Variants in DCAF11 observed in about 807,000 individuals in gnomAD.
DCAF11 encodes the protein DDB1 and CUL4 associated factor 11.
A neutral mutation model predicts 76.1 loss-of-function variants in DCAF11; 44 were observed. That is an observed-to-expected ratio of 0.58 (90% CI 0.45 to 0.74). The LOEUF (loss-of-function observed/expected upper bound fraction) is 0.74, where lower values mean the gene tolerates loss of function less well. Ranked by LOEUF, DCAF11 falls within the 30% of genes least tolerant of loss-of-function variation. The pLI is 0.00. For missense variants in DCAF11, 604 were observed against 709.4 expected (o/e 0.85, Z 1.69); for synonymous variants, 258 against 255.0 (o/e 1.01, Z -0.11).
In DCAF11 at chr14:24,115,021, G is replaced by T. The variant is rs958091828; in HGVS notation, c.-486G>T. Reference sequence around the variant, plus strand: ...GGCGTACACACCCCCGGCGCACCACGTGGGCGTGAGGCGAGGAAGGAGGGG... The same window carrying T: ...GGCGTACACACCCCCGGCGCACCACTTGGGCGTGAGGCGAGGAAGGAGGGG... On this transcript the variant is annotated 5_prime_UTR_variant, in exon 1 of 15. Transcript: ENST00000446197. 9.1e-6 allele frequency: 9 copies of T among 986,000 alleles called. No individual in the cohort carries two copies. Among genetic ancestry groups the T allele is most frequent in the Non-Finnish European group, 1.1e-5 (9 of 829,960 alleles). The allele number at this position is 986,000 out of a possible 1,614,324, so 61.1% of individuals were successfully genotyped here. A position where few individuals can be genotyped will look rare whatever the true frequency, so the allele number is the denominator to read the frequency against.
At chr14:24,116,840 C>G in intron 2 of DCAF11, 77 bp from the exon 3 acceptor site, 1 of 1,600,180 alleles carries the variant, frequency 6.2e-7, no homozygotes, top group African/African-American at 1.3e-5. Context: ...GGTCTAAGAG[C>G]TAGATAGCCA....
Position 24,123,506 on chromosome 14 carries a change from C to A in DCAF11, c.*197C>A. On this transcript the variant is annotated 3_prime_UTR_variant, in exon 15 of 15. Coordinates refer to ENST00000446197, the MANE Select transcript of DCAF11 (RefSeq NM_025230.5). ...AGTGGTCTCCTTACGTGCTCACACC[C>A]AGTCAGCTTGGGTCCCTATCTCTGG... 1.3e-6 allele frequency: 1 copy of A among 795,992 alleles called. No homozygotes were observed. The highest frequency in any genetic ancestry group is 1.7e-6 in the Non-Finnish European group (1 of 571,844). The allele number at this position is 795,992 out of a possible 1,614,324, so 49.3% of individuals were successfully genotyped here.
intron 12 of DCAF11, 77 bp downstream of exon 12, chr14:24,121,068 T>G: frequency 1.3e-6 from 2 of 1,561,044 alleles, no homozygotes; most frequent in Non-Finnish European, 1.7e-6. Flanking sequence ...CAGCCCTCTT[T>G]GCCAGGCATT....
chr14:24,118,880 T>G, intron 8 of DCAF11, 76 bp downstream of exon 8: 2 of 1,525,228 alleles, frequency 1.3e-6, no homozygotes, highest in Non-Finnish European at 1.8e-6. Context: ...CCTCTTGAGT[T>G]GGAAGTTCTG....
At chr14:24,118,585 T>C in intron 7 of DCAF11, 51 bp downstream of exon 7, 1 of 1,605,488 alleles carries the variant, frequency 6.2e-7, no homozygotes, top group East Asian at 2.2e-5. Flanking sequence ...ACCTGAGGTT[T>C]CCATGTGCCT....
In DCAF11 at chr14:24,118,428, C is replaced by G. The variant is rs745615600; in HGVS notation, c.618C>G (p.Phe206Leu). The G allele has an allele frequency of 1.1e-5, 18 of 1,614,114 alleles. No individual in the cohort carries two copies. The Admixed American group carries it at 2.5e-4, about 22-fold the overall frequency. ...TCTATGACTGCCGATATGGCCGTTT[C>G]CGTAAATTCAAGAGCATCAAGGCCC... ...IRLYDCRYGR[F>L]RKFKSIKARD... The change falls in exon 7 of 15, where the codon TTC becomes TTG. Residue 206 changes from phenylalanine (F) to leucine (L), a missense_variant. Transcript: ENST00000446197.
Position 24,118,069 on chromosome 14 carries a change from A to G in DCAF11, c.491A>G (p.Asp164Gly), listed in dbSNP as rs1175479309. ...TCCTTCCCTAGCTTCTTGCCCAATG[A>G]TCTGGGCTTCACTGATAGCTACTCT... is the stretch of plus-strand genomic sequence containing the variant. ...SRVISHFLPN[D>G]LGFTDSYSQK... Residue 164 changes from aspartate to glycine, a missense_variant, in exon 6 of 15, where the codon GAT becomes GGT. Asp to Gly is a moderately conservative substitution (Grantham distance 94, BLOSUM62 -1). Coordinates refer to ENST00000446197, the MANE Select transcript of DCAF11 (RefSeq NM_025230.5). 1.9e-5 allele frequency: 31 copies of G among 1,611,612 alleles called. No individual in the cohort carries two copies. The highest frequency in any genetic ancestry group is 2.5e-5 in the Non-Finnish European group (29 of 1,179,134).
chr14:24,122,642 C>G (rs920493040), intron 13 of DCAF11, among the ~76,000 whole-genome samples: 4 of 152,190 alleles, frequency 2.6e-5, no homozygotes, highest in African/African-American at 9.7e-5. Context: ...CAGGTGCACA[C>G]ACCCCCAGAC....
intron 13 of DCAF11, among the ~76,000 whole-genome samples, chr14:24,122,706 C>T (rs1443814647): frequency 1.3e-5 from 2 of 152,128 alleles, no homozygotes; most frequent in African/African-American, 2.4e-5. Flanking sequence ...ATCTTCAAAG[C>T]CAGTGCATTT....
chr14:24,122,878 G>A lies in DCAF11; in HGVS notation c.1400-93G>A, dbSNP rs545717842. 1.3e-4 allele frequency: 146 copies of A among 1,137,922 alleles called. 1 individual carries two copies. The African/African-American group carries it at 1.9e-3, about 15-fold the overall frequency. The allele number at this position is 1,137,922 out of a possible 1,614,324, so 70.5% of individuals were successfully genotyped here. A position where few individuals can be genotyped will look rare whatever the true frequency, so the allele number is the denominator to read the frequency against. On this transcript the variant is annotated intron_variant, in intron 13 of 14. Coordinates refer to ENST00000446197, the MANE Select transcript of DCAF11 (RefSeq NM_025230.5). ...CCCATGGGAACATGGGAAGTTGCCT[G>A]AGAGGCAGGTCAGTGGTGCTACTCA... is the stretch of plus-strand genomic sequence containing the variant.
chr14:24,119,917 G>T (rs377174791), intron 11 of DCAF11, 21 bp downstream of exon 11: 2 of 1,584,650 alleles, frequency 1.3e-6, no homozygotes, highest in East Asian at 4.6e-5. Flanking sequence ...AGTCAGGACT[G>T]TACAGCCAGG....
At position 24,120,944 on chromosome 14, in the gene DCAF11, C is replaced by A; in HGVS notation, c.1199C>A (p.Ala400Asp). The change falls in exon 12 of 15, where the codon GCC (alanine) becomes GAC (aspartate). Residue 400 changes from alanine (A) to aspartate (D), a missense_variant. Transcript: ENST00000446197. ...GGCATGGAAGCTTCACGCCAGGCTGCCACACAGCAAAACTGGGACTATCGG... is the reference window on the plus strand; with the variant it reads ...GGCATGGAAGCTTCACGCCAGGCTGACACACAGCAAAACTGGGACTATCGG... ...REGMEASRQA[A>D]TQQNWDYRWQ... 1 of 1,614,178 alleles carries A rather than the reference C, an allele frequency of 6.2e-7. No homozygotes were observed. The highest frequency in any genetic ancestry group is 8.5e-7 in the Non-Finnish European group (1 of 1,180,034).
intron 9 of DCAF11, 144 bp downstream of exon 9, chr14:24,119,357 C>T (rs1255245172): frequency 1.6e-6 from 2 of 1,242,426 alleles, no homozygotes; most frequent in African/African-American, 1.5e-5. Flanking sequence ...GTTGCTTCAC[C>T]CCTTGCTCTC....
intron 12 of DCAF11, 114 bp from the exon 13 acceptor site, chr14:24,121,251 T>C: frequency 7.1e-7 from 1 of 1,411,860 alleles, no homozygotes; most frequent in South Asian, 1.3e-5. Flanking sequence ...AGCCACCACT[T>C]GAAGATTGGA....
chr14:24,116,941 A>T lies in DCAF11; in HGVS notation c.180A>T (p.Gly60=), dbSNP rs747824055. Residue 60 remains glycine (G), a synonymous_variant, in exon 3 of 15, where the codon GGA becomes GGT. Coordinates refer to ENST00000446197, the MANE Select transcript of DCAF11 (RefSeq NM_025230.5). ...GAGGCCAAGTGAGGTTGGTGCAGGG[A>T]GGAGGTGCAGCAAATTTACAATTCA... is the stretch of plus-strand genomic sequence containing the variant. The part of the protein sequence containing the change: ...LRRGQVRLVQ[G]GGAANLQFIQ... 6.2e-7 allele frequency: 1 copy of T among 1,614,182 alleles called. No individual in the cohort carries two copies. The highest frequency in any genetic ancestry group is 1.1e-5 in the South Asian group (1 of 91,076).
In DCAF11 at chr14:24,117,142, T is replaced by C; in HGVS notation, c.283+98T>C. 1 of 1,606,112 alleles carries C rather than the reference T, an allele frequency of 6.2e-7. No individual in the cohort carries two copies. The highest frequency in any genetic ancestry group is 1.3e-5 in the African/African-American group (1 of 74,680). On this transcript the variant is annotated intron_variant, in intron 3 of 14. Coordinates refer to ENST00000446197, the MANE Select transcript of DCAF11 (RefSeq NM_025230.5). The surrounding 1 kb of genome is among the most constrained non-coding windows in gnomAD (Gnocchi z 4.3). ...TACATTGAAAGAAGGTACGATAATT[T>C]AAGGAATAAGGAGTCCTTACAGCCC...
At chr14:24,120,628 A>G (rs1189314671) in intron 11 of DCAF11, among the ~76,000 whole-genome samples, 1 of 152,202 alleles carries the variant, frequency 6.6e-6, no homozygotes, top group East Asian at 1.9e-4. Context: ...TAGAATAGGA[A>G]AGCCGGCCAG....
Position 24,119,820 on chromosome 14 carries a change from C to G in DCAF11, c.1016C>G (p.Thr339Ser), listed in dbSNP as rs189677933. The G allele has an allele frequency of 6.2e-7, 1 of 1,614,206 alleles. No homozygotes were observed. The highest frequency in any genetic ancestry group is 8.5e-7 in the Non-Finnish European group (1 of 1,180,042). The part of the protein sequence containing the change: ...DAICKVWDRR[T>S]MREDDPKPVG... The stretch of plus-strand genomic sequence containing the variant: ...ATCTGCAAAGTGTGGGATCGACGCA[C>G]CATGCGGGAGGATGACCCCAAGCCT... The change falls in exon 11 of 15, where the codon ACC (threonine) becomes AGC (serine). Residue 339 changes from threonine (T) to serine (S), a missense_variant. Coordinates refer to ENST00000446197, the MANE Select transcript of DCAF11 (RefSeq NM_025230.5).
intron 2 of DCAF11, among the ~76,000 whole-genome samples, chr14:24,116,036 A>G (rs2037550424): frequency 6.6e-6 from 1 of 151,684 alleles, no homozygotes; most frequent in Non-Finnish European, 1.5e-5. Flanking sequence ...TTTTCCAAGT[A>G]AGCTTGAAAA....
Sources: gnomAD v4.1 joint callset for allele counts (sites outside exome capture counted in the v4.1 genomes callset) on GRCh38, gnomAD v4.1.1 for gene constraint, Gnocchi (gnomAD v3.1) non-coding constraint, MANE v1.5 for transcripts, NCBI Gene and HGNC (gene_info 2026-07-23, HGNC 2026-07-21) for gene names.